RALGPS1: variants seen among roughly 807,000 people sequenced by gnomAD.
RALGPS1 encodes the protein ras-specific guanine nucleotide-releasing factor RalGPS1.
RALGPS1 carries 19 observed loss-of-function variants against 78.8 expected under a neutral mutation model. That is an observed-to-expected ratio of 0.24 (90% CI 0.17 to 0.35). The LOEUF is 0.35. Among genes scored for constraint, RALGPS1 ranks in the 10% least tolerant of loss-of-function variants. The pLI, the probability that RALGPS1 is intolerant of heterozygous loss-of-function variation, is 1.00. For synonymous variants in RALGPS1, 228 were observed against 256.3 expected, an observed-to-expected ratio of 0.89 and a Z score of 1.06; for missense variants, 454 against 688.3, an observed-to-expected ratio of 0.66 and a Z score of 3.81.
Position 127,166,282 on chromosome 9 carries a change from A to G in RALGPS1, c.748+76A>G, listed in dbSNP as rs1279647291. 4.6e-6 allele frequency: 7 copies of G among 1,534,296 alleles called. No homozygotes were observed. The Admixed American group carries it at 5.9e-5, about 13-fold the overall frequency. On this transcript the variant is annotated intron_variant, in intron 9 of 18. Coordinates refer to ENST00000259351, the MANE Select transcript of RALGPS1 (RefSeq NM_014636.3). Reference sequence around the variant, plus strand: ...GGTCTTACCAGTGAGAAAGCTCTAGAAACCTTTCAAAGAACTACAAAGTTC... The same window carrying G: ...GGTCTTACCAGTGAGAAAGCTCTAGGAACCTTTCAAAGAACTACAAAGTTC...
intron 8 of RALGPS1, among the ~76,000 whole-genome samples, chr9:127,131,092 G>A (rs577477613): frequency 6.6e-6 from 1 of 152,324 alleles, no homozygotes; most frequent in African/African-American, 2.4e-5. Flanking sequence ...CAGTCGTCTT[G>A]AATAGACTAG....
At chr9:127,104,815 G>C (rs976009817) in intron 8 of RALGPS1, among the ~76,000 whole-genome samples, 2 of 152,246 alleles carry the variant, frequency 1.3e-5, no homozygotes, top group Non-Finnish European at 2.9e-5. Context: ...AGGCTCGGAT[G>C]CAAAGGTGTT....
intron 1 of RALGPS1, among the ~76,000 whole-genome samples, chr9:126,929,003 C>G (rs2035562447): frequency 6.6e-6 from 1 of 152,120 alleles, no homozygotes; most frequent in Non-Finnish European, 1.5e-5. Context: ...AGAATTATTG[C>G]ATGGATTTGG....
chr9:127,066,177 G>T (rs2049683479), intron 7 of RALGPS1, among the ~76,000 whole-genome samples: 1 of 152,234 alleles, frequency 6.6e-6, no homozygotes, highest in Non-Finnish European at 1.5e-5. Flanking sequence ...TGAGACCAGA[G>T]AACCAGTGGC....
chr9:126,930,078 G>A (rs1204034040), intron 1 of RALGPS1, among the ~76,000 whole-genome samples: 1 of 151,806 alleles, frequency 6.6e-6, no homozygotes, highest in East Asian at 1.9e-4. Context: ...GTGCTTCTCT[G>A]CCTCAGCCTT....
chr9:126,963,724 G>C (rs2039152686), intron 2 of RALGPS1, among the ~76,000 whole-genome samples: 1 of 152,226 alleles, frequency 6.6e-6, no homozygotes, highest in Non-Finnish European at 1.5e-5. Flanking sequence ...GGCACAGACA[G>C]GTGAACAAGC....
chr9:127,083,137 A>G (rs1042830129), intron 8 of RALGPS1, among the ~76,000 whole-genome samples: 9 of 152,282 alleles, frequency 5.9e-5, no homozygotes, highest in South Asian at 2.1e-4. Flanking sequence ...AGTGTAGTCT[A>G]GACACCTTTT....
At chr9:127,082,328 G>A (rs2051258379) in intron 8 of RALGPS1, among the ~76,000 whole-genome samples, 1 of 152,178 alleles carries the variant, frequency 6.6e-6, no homozygotes, top group South Asian at 2.1e-4. Flanking sequence ...AGGGAGCTGT[G>A]GAACATTCTC....
At chr9:126,949,664 GT>G (rs371254556) in intron 1 of RALGPS1, among the ~76,000 whole-genome samples, 57,242 of 151,928 alleles carry the variant, frequency 0.38, 12,619 homozygotes, top group Non-Finnish European at 0.48. Flanking sequence ...GGGGTTGTTT[GT>G]TTTTTTCGTG....
At chr9:127,071,694 A>G (rs907484083) in intron 8 of RALGPS1, among the ~76,000 whole-genome samples, 2 of 152,158 alleles carry the variant, frequency 1.3e-5, no homozygotes, top group African/African-American at 4.8e-5. Context: ...TAATAGTCTC[A>G]GTGATATTCT....
chr9:127,053,899 A>G (rs1402608151), intron 7 of RALGPS1, among the ~76,000 whole-genome samples: 1 of 152,234 alleles, frequency 6.6e-6, no homozygotes, highest in Non-Finnish European at 1.5e-5. Context: ...GTTTGCATTC[A>G]GGTGCCATTC....
At chr9:127,173,301 C>T (rs1200993681) in intron 10 of RALGPS1, among the ~76,000 whole-genome samples, 1 of 152,180 alleles carries the variant, frequency 6.6e-6, no homozygotes, top group African/African-American at 2.4e-5. Flanking sequence ...CACCTAGTTC[C>T]TTAGCAGCTG....
intron 1 of RALGPS1, among the ~76,000 whole-genome samples, chr9:126,916,955 A>G (rs2034233118): frequency 6.6e-6 from 1 of 152,192 alleles, no homozygotes; most frequent in Non-Finnish European, 1.5e-5. Context: ...GCCTCTGCTC[A>G]CTGGTAGTTG....
At chr9:127,131,480 A>G (rs1373910932) in intron 8 of RALGPS1, among the ~76,000 whole-genome samples, 1 of 152,162 alleles carries the variant, frequency 6.6e-6, no homozygotes, top group Non-Finnish European at 1.5e-5. Context: ...GGATTACGTC[A>G]TTGAGTTCTC....
chr9:127,081,293 G>T (rs2051144475), intron 8 of RALGPS1, among the ~76,000 whole-genome samples: 1 of 152,238 alleles, frequency 6.6e-6, no homozygotes, highest in Non-Finnish European at 1.5e-5. Context: ...AGGTAGCCAG[G>T]CCTTCAGGCC....
intron 1 of RALGPS1, among the ~76,000 whole-genome samples, chr9:126,952,138 A>G (rs1564297843): frequency 1.3e-5 from 2 of 152,346 alleles, no homozygotes; most frequent in African/African-American, 2.4e-5. Context: ...CAGTCTCCCA[A>G]GTTCTATCGC....
intron 5 of RALGPS1, among the ~76,000 whole-genome samples, chr9:127,044,952 A>T (rs2047625920): frequency 6.6e-6 from 1 of 152,260 alleles, no homozygotes; most frequent in African/African-American, 2.4e-5. Flanking sequence ...CAACATGATT[A>T]TACTTCTACA....
At chr9:127,092,989 C>G (rs1260013633) in intron 8 of RALGPS1, among the ~76,000 whole-genome samples, 1 of 152,078 alleles carries the variant, frequency 6.6e-6, no homozygotes, top group African/African-American at 2.4e-5. Flanking sequence ...CAACCCTGAG[C>G]AAATTACTCC....
chr9:126,938,810 A>G (rs1248244694), intron 1 of RALGPS1, among the ~76,000 whole-genome samples: 1 of 152,244 alleles, frequency 6.6e-6, no homozygotes, highest in Non-Finnish European at 1.5e-5. Context: ...CTGTAGGAGA[A>G]GGACCTACCT....
Sources: gnomAD v4.1 joint callset for allele counts (sites outside exome capture counted in the v4.1 genomes callset) on GRCh38, gnomAD v4.1.1 for gene constraint, MANE v1.5 for transcripts, NCBI Gene and HGNC (gene_info 2026-07-23, HGNC 2026-07-21) for gene names.